URB2: variants seen among roughly 807,000 people sequenced by gnomAD.
URB2 encodes URB2 ribosome biogenesis homolog.
A neutral mutation model predicts 120.9 loss-of-function variants in URB2; 86 were observed. The observed-to-expected ratio is 0.71, with a 90% CI of 0.60 to 0.85. URB2 has a LOEUF of 0.85. URB2 is among the 40% of genes least tolerant of loss of function. The pLI, the probability that URB2 is intolerant of heterozygous loss-of-function variation, is 0.00. For synonymous variants in URB2, 755 were observed against 758.4 expected, an observed-to-expected ratio of 1.00 and a Z score of 0.07; for missense variants, 1,765 against 1,836.5, an observed-to-expected ratio of 0.96 and a Z score of 0.71.
In URB2 at chr1:229,635,955, G is replaced by A. The variant is rs1665797630; in HGVS notation, c.1342G>A (p.Ala448Thr). 6.2e-7 allele frequency: 1 copy of A among 1,614,200 alleles called. No homozygotes were observed. The highest frequency in any genetic ancestry group is 8.5e-7 in the Non-Finnish European group (1 of 1,180,036). ...GGTAACAGAGTTTCGAACCAAAAAA[G>A]CCCAGGAGGCGCTTATTCGTACTGT... is the stretch of plus-strand genomic sequence containing the variant. ...AEVTEFRTKKAQEALIRTVFQ... is the reference protein window; with the variant it reads ...AEVTEFRTKKTQEALIRTVFQ... Residue 448 changes from alanine (A) to threonine (T), a missense_variant, in exon 4 of 10, where the codon GCC becomes ACC. Physicochemically the swap from Ala to Thr is moderately conservative, Grantham distance 58. Coordinates refer to ENST00000258243, the MANE Select transcript of URB2 (RefSeq NM_014777.4).
Position 229,632,461 on chromosome 1 carries a change from G to C in URB2, c.303+16G>C. The stretch of plus-strand genomic sequence containing the variant: ...CCTAGTCAAGGTAATTCACTTTTCT[G>C]TTCTGTATGTGTTGCATGCATCTCC... On this transcript the variant is annotated intron_variant, in intron 3 of 9. Transcript: ENST00000258243. 2.6e-6 allele frequency: 4 copies of C among 1,534,884 alleles called. No homozygotes were observed. Among genetic ancestry groups the C allele is most frequent in the Non-Finnish European group, 3.5e-6 (4 of 1,150,902 alleles).
In URB2 at chr1:229,635,229, C is replaced by G. The variant is rs1457403315; in HGVS notation, c.616C>G (p.Leu206Val). The part of the protein sequence containing the change: ...DVTAHLLQPC[L>V]VLRHLLSGGT... ...GACTGCTCACCTGCTCCAGCCGTGC[C>G]TGGTCCTGAGGCACTTACTCTCTGG... is the stretch of plus-strand genomic sequence containing the variant. Residue 206 changes from leucine (L) to valine (V), a missense_variant, in exon 4 of 10, where the codon CTG (leucine) becomes GTG (valine). Transcript: ENST00000258243. The G allele has an allele frequency of 3.7e-6, 6 of 1,614,126 alleles. No individual in the cohort carries two copies. In the African/African-American group the frequency reaches 8.0e-5, roughly 22 times the overall value.
chr1:229,652,413 C>T (rs867944116), intron 8 of URB2, among the ~76,000 whole-genome samples: 2 of 152,130 alleles, frequency 1.3e-5, no homozygotes, highest in South Asian at 4.2e-4. Flanking sequence ...CAGCTTCTCT[C>T]CCACCATTGT....
Position 229,632,280 on chromosome 1 carries a change from T to A in URB2, c.138T>A (p.Asp46Glu). ...FLPNKEQVLL[D>E]WARQSLVAFY... ...TCCTTCAAATTCAGGTGTTACTTGA[T>A]TGGGCAAGACAATCATTGGTTGCAT... Residue 46 changes from aspartate to glutamate, a missense_variant, in exon 3 of 10, where the codon GAT becomes GAA. By Grantham distance (45) the Asp-to-Glu change is conservative (BLOSUM62 2). Coordinates refer to ENST00000258243, the MANE Select transcript of URB2 (RefSeq NM_014777.4). 6.4e-7 allele frequency: 1 copy of A among 1,554,670 alleles called. No homozygotes were observed. Among genetic ancestry groups the A allele is most frequent in the Middle Eastern group, 1.7e-4 (1 of 5,864 alleles).
At position 229,636,130 on chromosome 1, in the gene URB2, C is replaced by T. The variant is rs765617129; in HGVS notation, c.1517C>T (p.Pro506Leu). The T allele has an allele frequency of 3.7e-6, 6 of 1,614,268 alleles. No individual in the cohort carries two copies. The highest frequency in any genetic ancestry group is 2.2e-5 in the East Asian group (1 of 44,886). The change falls in exon 4 of 10, where the codon CCT becomes CTT. Residue 506 changes from proline to leucine, a missense_variant. By Grantham distance (98) the Pro-to-Leu change is moderately conservative (BLOSUM62 -3). Coordinates refer to ENST00000258243, the MANE Select transcript of URB2 (RefSeq NM_014777.4). ...TVLSACLLEL[P>L]PSQILDTWSL... Reference sequence around the variant, plus strand: ...CTCTCTGCATGCCTCCTGGAGCTGCCTCCAAGTCAGATCCTGGACACGTGG... The same window carrying T: ...CTCTCTGCATGCCTCCTGGAGCTGCTTCCAAGTCAGATCCTGGACACGTGG...
At chr1:229,628,220 ATAT>A (rs1489352440) in intron 2 of URB2, among the ~76,000 whole-genome samples, 1 of 144,762 alleles carries the variant, frequency 6.9e-6, no homozygotes, top group African/African-American at 2.5e-5. Context: ...ATACATATAC[ATAT>A]TATATATGTA....
Position 229,635,615 on chromosome 1 carries a change from C to A in URB2, c.1002C>A (p.Cys334Ter), listed in dbSNP as rs1665783654. 3 of 1,613,996 alleles carry A rather than the reference C, an allele frequency of 1.9e-6. No homozygotes were observed. The highest frequency in any genetic ancestry group is 2.5e-6 in the Non-Finnish European group (3 of 1,180,042). Residue 334 changes from cysteine to a stop codon, truncating the protein, a stop_gained, in exon 4 of 10, where the codon TGC becomes TGA. Transcript: ENST00000258243. LOFTEE classifies it high-confidence loss of function. ...AGGTTCTCCCCAGGTTGTTTGGCTG[C>A]TTGAAGATTTCACACCTGCAGGAGG... Reference protein sequence around the residue: ...CFQVLPRLFGCLKISHLQEEQ... With the variant: ...CFQVLPRLFG
chr1:229,636,133 C>T lies in URB2; in HGVS notation c.1520C>T (p.Pro507Leu), dbSNP rs1436825951. 2 of 1,614,266 alleles carry T rather than the reference C, an allele frequency of 1.2e-6. No individual in the cohort carries two copies. Among genetic ancestry groups the T allele is most frequent in the South Asian group, 2.2e-5 (2 of 91,090 alleles). The change falls in exon 4 of 10, where the codon CCA (proline) becomes CTA (leucine). Residue 507 changes from proline (P) to leucine (L), a missense_variant. By Grantham distance (98) the Pro-to-Leu change is moderately conservative (BLOSUM62 -3). Transcript: ENST00000258243. ...TCTGCATGCCTCCTGGAGCTGCCTC[C>T]AAGTCAGATCCTGGACACGTGGTCC... Reference protein sequence around the residue: ...VLSACLLELPPSQILDTWSLV... With the variant: ...VLSACLLELPLSQILDTWSLV...
At chr1:229,634,049 C>T (rs541953425) in intron 3 of URB2, among the ~76,000 whole-genome samples, 38 of 152,172 alleles carry the variant, frequency 2.5e-4, no homozygotes, top group African/African-American at 6.3e-4. Flanking sequence ...CCAGGCTGTT[C>T]TCGAACGCCT....
rs148528192 is a variant in URB2 at position 229,654,329 on chromosome 1, G to A, written c.4318G>A (p.Glu1440Lys). 55 of 1,614,208 alleles carry A rather than the reference G, an allele frequency of 3.4e-5. No individual in the cohort carries two copies. The African/African-American group carries it at 7.1e-4, about 21-fold the overall frequency. ...RMYSHIAARA[E>K]EFAVFSPFMV... Reference sequence around the variant, plus strand: ...GTACAGCCACATCGCCGCACGAGCTGAGGAGTTTGCTGTGTTTTCCCCATT... The same window carrying A: ...GTACAGCCACATCGCCGCACGAGCTAAGGAGTTTGCTGTGTTTTCCCCATT... The change falls in exon 9 of 10, where the codon GAG becomes AAG. Residue 1440 changes from glutamate to lysine, a missense_variant. Transcript: ENST00000258243.
chr1:229,638,162 T>C lies in URB2; in HGVS notation c.3549T>C (p.Thr1183=), dbSNP rs1442450552. The C allele has an allele frequency of 1.9e-6, 3 of 1,614,074 alleles. No individual in the cohort carries two copies. The African/African-American group carries it at 4.0e-5, about 22-fold the overall frequency. The change falls in exon 4 of 10, where the codon ACT becomes ACC. Residue 1183 remains threonine, a synonymous_variant. Transcript: ENST00000258243. The part of the protein sequence containing the change: ...QSFQAALQFL[T]LFFLAPELHP... ...TTCAGGCAGCCTTGCAGTTTTTGAC[T>C]CTGTTCTTTTTGGCCCCAGAACTGC...
rs1212023054 is a variant in URB2, at chr1:229,637,134, C to G, written c.2521C>G (p.Leu841Val). Residue 841 changes from leucine (L) to valine (V), a missense_variant, in exon 4 of 10, where the codon CTT becomes GTT. Leu to Val is a conservative substitution (Grantham distance 32). Coordinates refer to ENST00000258243, the MANE Select transcript of URB2 (RefSeq NM_014777.4). ...SGLVSQQLPW[L>V]FEKDHMVVGH... Reference sequence around the variant, plus strand: ...TCTTGTCAGTCAGCAGCTTCCCTGGCTTTTTGAAAAGGACCACATGGTTGT... The same window carrying G: ...TCTTGTCAGTCAGCAGCTTCCCTGGGTTTTTGAAAAGGACCACATGGTTGT... The G allele has an allele frequency of 6.2e-7, 1 of 1,613,058 alleles. No homozygotes were observed. The highest frequency in any genetic ancestry group is 8.5e-7 in the Non-Finnish European group (1 of 1,179,362).
At chr1:229,658,783 T>A (rs1236352436) in intron 9 of URB2, among the ~76,000 whole-genome samples, 1 of 152,204 alleles carries the variant, frequency 6.6e-6, no homozygotes. Context: ...TCCAGTTTTT[T>A]AAAATGCCCC....
At position 229,636,344 on chromosome 1, in the gene URB2, G is replaced by C; in HGVS notation, c.1731G>C (p.Arg577Ser). ...RTQCMMERMMRELVQPLLALL... is the reference protein window; with the variant it reads ...RTQCMMERMMSELVQPLLALL... ...AGTGCATGATGGAGAGGATGATGAG[G>C]GAGCTCGTGCAGCCCCTGCTGGCCC... is the stretch of plus-strand genomic sequence containing the variant. The change falls in exon 4 of 10, where the codon AGG becomes AGC. Residue 577 changes from arginine to serine, a missense_variant. Coordinates refer to ENST00000258243, the MANE Select transcript of URB2 (RefSeq NM_014777.4). 6.2e-7 allele frequency: 1 copy of C among 1,614,218 alleles called. No individual in the cohort carries two copies. The highest frequency in any genetic ancestry group is 8.5e-7 in the Non-Finnish European group (1 of 1,180,028).
At chr1:229,642,717 C>T (rs930575058) in intron 4 of URB2, among the ~76,000 whole-genome samples, 7 of 152,150 alleles carry the variant, frequency 4.6e-5, no homozygotes. Flanking sequence ...AAAATACCAC[C>T]TACTCTTGCA....
intron 1 of URB2, among the ~76,000 whole-genome samples, chr1:229,626,724 C>G (rs1256470059): frequency 6.6e-6 from 1 of 152,264 alleles, no homozygotes; most frequent in African/African-American, 2.4e-5. Context: ...GAGAGCATCT[C>G]GGTTGTCTTT....
In URB2 at chr1:229,638,157, T is replaced by C. The variant is rs952544944; in HGVS notation, c.3544T>C (p.Leu1182=). ...DQSFQAALQF[L]TLFFLAPELH... ...GTCTTTTCAGGCAGCCTTGCAGTTT[T>C]TGACTCTGTTCTTTTTGGCCCCAGA... Residue 1182 remains leucine (L), a synonymous_variant, in exon 4 of 10, where the codon TTG becomes CTG. Transcript: ENST00000258243. 8.1e-6 allele frequency: 13 copies of C among 1,614,084 alleles called. No individual in the cohort carries two copies. Among genetic ancestry groups the C allele is most frequent in the Non-Finnish European group, 1.0e-5 (12 of 1,180,034 alleles).
chr1:229,659,504 G>A lies in URB2; in HGVS notation c.*207G>A, dbSNP rs555728258. The stretch of plus-strand genomic sequence containing the variant: ...TTTAATACATAGTTTTATGCAGTAA[G>A]TATTGCAATAGAATCCTGAAAATTG... On this transcript the variant is annotated 3_prime_UTR_variant, in exon 10 of 10. Transcript: ENST00000258243. 59 of 476,684 alleles carry A rather than the reference G, an allele frequency of 1.2e-4. No individual in the cohort carries two copies. The highest frequency in any genetic ancestry group is 1.1e-3 in the African/African-American group (55 of 51,780). 29.5% of individuals were successfully genotyped at this position (476,684 alleles called of 1,614,324 possible). A position where few individuals can be genotyped will look rare whatever the true frequency, so the allele number is the denominator to read the frequency against.
chr1:229,650,259 T>G (rs1386064885), intron 7 of URB2, among the ~76,000 whole-genome samples: 1 of 152,210 alleles, frequency 6.6e-6, no homozygotes, highest in Non-Finnish European at 1.5e-5. Flanking sequence ...TCTTGACCAC[T>G]TGAAATGTGG....
Sources: gnomAD v4.1 joint callset for allele counts (sites outside exome capture counted in the v4.1 genomes callset) on GRCh38, gnomAD v4.1.1 for gene constraint, MANE v1.5 for transcripts, NCBI Gene and HGNC (gene_info 2026-07-23, HGNC 2026-07-21) for gene names.